Variants in CD163L1 observed in about 807,000 individuals in gnomAD.
CD163L1 encodes CD163 molecule like 1, also known as scavenger receptor cysteine-rich type 1 protein M160.
CD163L1 carries 124 observed loss-of-function variants against 165.4 expected under a neutral mutation model. The observed-to-expected ratio is 0.75, with a 90% CI of 0.65 to 0.87. CD163L1 has a LOEUF of 0.87. Among genes scored for constraint, CD163L1 ranks in the 40% least tolerant of loss-of-function variants. CD163L1 has a pLI of 0.00. For missense variants in CD163L1, 1,525 were observed against 1,799.9 expected (o/e 0.85, Z 2.76); for synonymous variants, 585 against 662.2 (o/e 0.88, Z 1.79).
At position 7,383,731 on chromosome 12, in the gene CD163L1, T is replaced by C. The variant is rs778029996; in HGVS notation, c.2051-4433A>G. Among the ~76,000 whole-genome samples the C allele has an allele frequency of 5.9e-5, 9 of 152,290 alleles. No homozygotes were observed. In the South Asian group the frequency reaches 1.2e-3, roughly 21 times the overall value. Reference sequence around the variant, plus strand: ...ACACTGATTATCACTGAAGAAATCATGGAGATTACACTATAGCATGCACCC... The same window carrying C: ...ACACTGATTATCACTGAAGAAATCACGGAGATTACACTATAGCATGCACCC... On this transcript the variant is annotated intron_variant, in intron 8 of 19. Coordinates refer to ENST00000313599, the MANE Select transcript of CD163L1 (RefSeq NM_174941.6).
the CD163L1 span, among the ~76,000 whole-genome samples, chr12:7,332,433 C>T: frequency 4.0e-5 from 6 of 151,286 alleles, no homozygotes; most frequent in South Asian, 2.1e-4. Context: ...ATACAGAGAA[C>T]GCCACAAAGA....
At chr12:7,343,086 G>A (rs746227555), downstream of CD163L1, among the ~76,000 whole-genome samples, 1 of 152,198 alleles carries the variant, frequency 6.6e-6, no homozygotes, top group South Asian at 2.1e-4. Context: ...AGGATATTAG[G>A]GATGGGGAAA....
the CD163L1 span, among the ~76,000 whole-genome samples, chr12:7,338,318 A>T: frequency 6.6e-6 from 1 of 152,202 alleles, no homozygotes; most frequent in Admixed American, 6.5e-5. Flanking sequence ...TATAATTTTT[A>T]AAAATAAATA....
chr12:7,329,620 G>GT, the CD163L1 span, among the ~76,000 whole-genome samples: 2 of 150,798 alleles, frequency 1.3e-5, no homozygotes, highest in African/African-American at 4.9e-5. Flanking sequence ...GTTTGTTTGT[G>GT]TTTTTTTTAA....
chr12:7,350,734 T>G (rs1189560351), downstream of CD163L1, among the ~76,000 whole-genome samples: 1 of 152,164 alleles, frequency 6.6e-6, no homozygotes, highest in African/African-American at 2.4e-5. Flanking sequence ...CAAACAGATG[T>G]TAGAAATGAT....
At chr12:7,325,400 A>G in the CD163L1 span, among the ~76,000 whole-genome samples, 1 of 152,220 alleles carries the variant, frequency 6.6e-6, no homozygotes, top group Non-Finnish European at 1.5e-5. Flanking sequence ...TAATCCCGGC[A>G]CTTTGGGAGG....
At chr12:7,380,335 A>ACGTATACATACATGTATGTGTGTATATG (rs1947362963) in intron 8 of CD163L1, among the ~76,000 whole-genome samples, 8 of 112,386 alleles carry the variant, frequency 7.1e-5, no homozygotes, top group Non-Finnish European at 1.1e-4. Context: ...GTATGTATAC[A>ACGTATACATACATGTATGTGTGTATATG]CGTATACATA....
downstream of CD163L1, among the ~76,000 whole-genome samples, chr12:7,351,560 C>T (rs1351691614): frequency 2.6e-5 from 4 of 152,114 alleles, no homozygotes. Context: ...CCTACATTAC[C>T]TCCTTAAGGC....
the CD163L1 span, chr12:7,328,388 T>G: frequency 1.3e-4 from 210 of 1,561,202 alleles, no homozygotes; most frequent in Non-Finnish European, 3.8e-5. Context: ...ATAACAAAGC[T>G]GAAGGGTTAA....
At chr12:7,321,161 G>C in the CD163L1 span, among the ~76,000 whole-genome samples, 11 of 152,032 alleles carry the variant, frequency 7.2e-5, no homozygotes, top group Admixed American at 2.0e-4. Flanking sequence ...GACCTCTGTA[G>C]TCCCAGAACT....
At chr12:7,425,784 C>T (rs1948530539) in intron 4 of CD163L1, among the ~76,000 whole-genome samples, 1 of 152,174 alleles carries the variant, frequency 6.6e-6, no homozygotes, top group Non-Finnish European at 1.5e-5. Flanking sequence ...AGATACATCT[C>T]ACACCAGTTA....
chr12:7,323,244 G>A, the CD163L1 span: 1 of 1,608,556 alleles, frequency 6.2e-7, no homozygotes, highest in Non-Finnish European at 8.5e-7. Context: ...GGAATGATTT[G>A]TGCCAATCAG....
chr12:7,352,954 C>A (rs1039584503), downstream of CD163L1, among the ~76,000 whole-genome samples: 2 of 151,894 alleles, frequency 1.3e-5, no homozygotes, highest in Admixed American at 6.6e-5. Flanking sequence ...CCAAAAAAAA[C>A]CAAAAGCAAT....
chr12:7,351,279 A>G (rs1467630497), downstream of CD163L1, among the ~76,000 whole-genome samples: 1 of 152,126 alleles, frequency 6.6e-6, no homozygotes, highest in African/African-American at 2.4e-5. Flanking sequence ...TGAGATGAGT[A>G]CGTCTTAGCT....
chr12:7,320,784 C>T, the CD163L1 span: 17 of 1,613,438 alleles, frequency 1.1e-5, no homozygotes, highest in Admixed American at 1.7e-5. Context: ...ACCGGATGCT[C>T]GTGCAAAAAG....
At chr12:7,341,898 T>C (rs2136356195), downstream of CD163L1, among the ~76,000 whole-genome samples, 1 of 152,294 alleles carries the variant, frequency 6.6e-6, no homozygotes, top group East Asian at 1.9e-4. Context: ...AAAATGGTAA[T>C]AAATATTTTG....
intron 14 of CD163L1, among the ~76,000 whole-genome samples, chr12:7,370,500 C>A (rs1487044112): frequency 2.0e-5 from 3 of 152,068 alleles, no homozygotes; most frequent in Admixed American, 6.6e-5. Flanking sequence ...TTTTAGTTCC[C>A]GTAATAGTAT....
the CD163L1 span, among the ~76,000 whole-genome samples, chr12:7,339,733 GA>G: frequency 1.3e-5 from 2 of 152,078 alleles, no homozygotes; most frequent in African/African-American, 2.4e-5. Context: ...CTTGCTGGTT[GA>G]AAAGTTTCTT....
chr12:7,411,189 T>C (rs1565803221), intron 4 of CD163L1, among the ~76,000 whole-genome samples: 1 of 152,160 alleles, frequency 6.6e-6, no homozygotes, highest in African/African-American at 2.4e-5. Context: ...AATTCTGAGA[T>C]AATGCTTAAA....
Sources: gnomAD v4.1 joint callset for allele counts (sites outside exome capture counted in the v4.1 genomes callset) on GRCh38, gnomAD v4.1.1 for gene constraint, MANE v1.5 for transcripts, NCBI Gene and HGNC (gene_info 2026-07-23, HGNC 2026-07-21) for gene names.